Variants in SGCZ observed in about 807,000 individuals in gnomAD.
SGCZ encodes zeta-sarcoglycan.
In SGCZ, 40 loss-of-function variants were observed where a neutral mutation model predicts 41.3. That is an observed-to-expected ratio of 0.97 (90% CI 0.75 to 1.26). The LOEUF (loss-of-function observed/expected upper bound fraction) is 1.26. Ranked by LOEUF, SGCZ falls within the 50% of genes most tolerant of loss-of-function variation. The probability of loss-of-function intolerance (pLI) is 0.00; values close to 1 mark genes in which losing one functional copy is unlikely to be tolerated. For synonymous variants in SGCZ, 206 were observed against 137.5 expected (o/e 1.50, Z -3.49); for missense variants, 552 against 369.8 (o/e 1.49, Z -4.04).
At chr8:14,903,058 C>T (rs1437483217) in intron 1 of SGCZ, among the ~76,000 whole-genome samples, 1 of 152,070 alleles carries the variant, frequency 6.6e-6, no homozygotes, top group Admixed American at 6.6e-5. Flanking sequence ...GCTCCTGAGA[C>T]GATGCCACTG....
chr8:14,652,791 G>A (rs1807446927), intron 1 of SGCZ, among the ~76,000 whole-genome samples: 1 of 152,086 alleles, frequency 6.6e-6, no homozygotes, highest in South Asian at 2.1e-4. Context: ...GAAGTTCCCT[G>A]TTTAAATATA....
chr8:15,112,563 G>C (rs545841955), intron 1 of SGCZ, among the ~76,000 whole-genome samples: 17 of 152,220 alleles, frequency 1.1e-4, no homozygotes, highest in Non-Finnish European at 1.6e-4. Flanking sequence ...AAGTGGAAAA[G>C]TAATGTGTCC....
chr8:14,818,210 A>G (rs1801964648), intron 1 of SGCZ, among the ~76,000 whole-genome samples: 2 of 152,128 alleles, frequency 1.3e-5, no homozygotes, highest in South Asian at 4.1e-4. Flanking sequence ...GTCAACAGCC[A>G]CTGCCTCCCC....
chr8:14,176,214 T>C (rs1804537402), intron 4 of SGCZ, among the ~76,000 whole-genome samples: 2 of 152,194 alleles, frequency 1.3e-5, no homozygotes, highest in Admixed American at 1.3e-4. Context: ...TCCAACAATA[T>C]GCCATAAAGT....
At chr8:15,106,391 G>A (rs115076340) in intron 1 of SGCZ, among the ~76,000 whole-genome samples, 3,260 of 152,032 alleles carry the variant, frequency 0.021, 68 homozygotes, top group East Asian at 0.11. Context: ...ATGAACAAAT[G>A]AGCCTTTTCA....
chr8:14,109,350 C>T (rs1802305914), intron 5 of SGCZ, among the ~76,000 whole-genome samples: 1 of 151,988 alleles, frequency 6.6e-6, no homozygotes, highest in Non-Finnish European at 1.5e-5. Flanking sequence ...ACTTCAATTA[C>T]CAAAATCAAG....
At chr8:14,550,299 T>C (rs1585070357) in intron 2 of SGCZ, among the ~76,000 whole-genome samples, 1 of 150,962 alleles carries the variant, frequency 6.6e-6, no homozygotes, top group African/African-American at 2.4e-5. Context: ...CAAATATGCA[T>C]ATACATGCAT....
chr8:14,921,884 A>G (rs2130792296), intron 1 of SGCZ, among the ~76,000 whole-genome samples: 1 of 152,334 alleles, frequency 6.6e-6, no homozygotes, highest in South Asian at 2.1e-4. Context: ...TAAAAGTGAA[A>G]TGGTGTTAAG....
intron 2 of SGCZ, among the ~76,000 whole-genome samples, chr8:14,521,790 C>A (rs1802796866): frequency 6.6e-6 from 1 of 152,050 alleles, no homozygotes; most frequent in African/African-American, 2.4e-5. Flanking sequence ...TGGTCCAACA[C>A]TATGTTGAAT....
intron 2 of SGCZ, among the ~76,000 whole-genome samples, chr8:14,490,336 G>A (rs1286301102): frequency 6.6e-6 from 1 of 152,118 alleles, no homozygotes; most frequent in Non-Finnish European, 1.5e-5. Context: ...GAGTAGTTTA[G>A]AAATTTATGT....
At chr8:14,443,305 A>G (rs1409449101) in intron 2 of SGCZ, among the ~76,000 whole-genome samples, 1 of 152,130 alleles carries the variant, frequency 6.6e-6, no homozygotes, top group African/African-American at 2.4e-5. Flanking sequence ...AATTGGAAAA[A>G]ACGACTTTAA....
intron 1 of SGCZ, among the ~76,000 whole-genome samples, chr8:14,947,866 G>C (rs1021106215): frequency 2.0e-5 from 3 of 152,134 alleles, no homozygotes; most frequent in African/African-American, 7.2e-5. Flanking sequence ...TGAGCAACAG[G>C]AATTTCTTTA....
intron 2 of SGCZ, among the ~76,000 whole-genome samples, chr8:14,531,588 A>G (rs1340688315): frequency 1.3e-5 from 2 of 152,086 alleles, no homozygotes; most frequent in Non-Finnish European, 2.9e-5. Flanking sequence ...TAAGAATTCT[A>G]AAATAACCCT....
At chr8:15,224,105 C>T (rs1230873979) in intron 1 of SGCZ, among the ~76,000 whole-genome samples, 1 of 152,148 alleles carries the variant, frequency 6.6e-6, no homozygotes, top group Non-Finnish European at 1.5e-5. Context: ...ATCTGCCTGC[C>T]TTCGCCTCCC....
intron 2 of SGCZ, among the ~76,000 whole-genome samples, chr8:14,380,908 A>C (rs187825616): frequency 1.0e-3 from 158 of 152,300 alleles, no homozygotes; most frequent in Non-Finnish European, 1.5e-3. Context: ...AGTAAAAAGT[A>C]AAACTACCTT....
intron 1 of SGCZ, among the ~76,000 whole-genome samples, chr8:14,829,093 A>T (rs1585298805): frequency 6.6e-6 from 1 of 152,072 alleles, no homozygotes; most frequent in East Asian, 2.0e-4. Flanking sequence ...TTTGTTCCAA[A>T]GGTAAACTTG....
intron 1 of SGCZ, among the ~76,000 whole-genome samples, chr8:15,189,074 T>G (rs564778822): frequency 6.6e-6 from 1 of 152,212 alleles, no homozygotes; most frequent in Admixed American, 6.5e-5. Context: ...CCACAAATAT[T>G]TGTGTTTTTT....
At chr8:14,160,065 G>A (rs190343254) in intron 5 of SGCZ, among the ~76,000 whole-genome samples, 2 of 152,126 alleles carry the variant, frequency 1.3e-5, no homozygotes, top group Admixed American at 1.3e-4. Flanking sequence ...ATGCAGAGTT[G>A]GATTTCACGA....
chr8:14,888,429 G>T (rs531319986), intron 1 of SGCZ, among the ~76,000 whole-genome samples: 11 of 152,236 alleles, frequency 7.2e-5, no homozygotes, highest in Non-Finnish European at 1.5e-4. Context: ...TGATTTCAAA[G>T]AATTGCCTGA....
Sources: gnomAD v4.1 joint callset for allele counts (sites outside exome capture counted in the v4.1 genomes callset) on GRCh38, gnomAD v4.1.1 for gene constraint, MANE v1.5 for transcripts, NCBI Gene and HGNC (gene_info 2026-07-23, HGNC 2026-07-21) for gene names.